Variants in MATR3 observed in about 807,000 individuals in gnomAD.
The protein encoded by MATR3 is matrin-3.
Under a neutral mutation model 85.5 loss-of-function variants are expected in MATR3, and 4 were observed. The observed-to-expected ratio is 0.05, with a 90% CI of 0.02 to 0.11. The LOEUF (loss-of-function observed/expected upper bound fraction) is 0.11. Among genes scored for constraint, MATR3 ranks in the 10% least tolerant of loss-of-function variants. The pLI, the probability that MATR3 is intolerant of heterozygous loss-of-function variation, is 1.00. For missense variants in MATR3, 685 were observed against 1,016.1 expected, an observed-to-expected ratio of 0.67 and a Z score of 4.43; for synonymous variants, 336 against 343.1, an observed-to-expected ratio of 0.98 and a Z score of 0.23.
chr5:139,316,448 G>A (rs1186107367), intron 5 of MATR3, among the ~76,000 whole-genome samples: 1 of 151,990 alleles, frequency 6.6e-6, no homozygotes, highest in Non-Finnish European at 1.5e-5. Context: ...GTTTCACCGC[G>A]TTGGCCAGAC....
At position 139,325,192 on chromosome 5, in the gene MATR3, C is replaced by G. The variant is rs1460156637; in HGVS notation, c.2149-248C>G. The G allele has an allele frequency of 7.9e-6, 6 of 761,382 alleles. No individual in the cohort carries two copies. The African/African-American group carries it at 1.2e-4, about 15-fold the overall frequency. The allele number at this position is 761,382 out of a possible 1,614,324, so 47.2% of individuals were successfully genotyped here. On this transcript the variant is annotated intron_variant, in intron 12 of 14. Transcript: ENST00000394805. ...TGGTCGACAGAGCAAGACTCCGTCT[C>G]AAAAAAAAAAAGGCAAAGACGCTAT...
upstream of MATR3, among the ~76,000 whole-genome samples, chr5:139,289,455 A>AT (rs1753805814): frequency 6.6e-6 from 1 of 152,236 alleles, no homozygotes; most frequent in Non-Finnish European, 1.5e-5. Context: ...TATAAATATG[A>AT]TAAAAAATAC....
intron 12 of MATR3, 54 bp from the exon 13 acceptor site, chr5:139,325,386 G>A (rs745840876): frequency 3.7e-5 from 59 of 1,612,988 alleles, no homozygotes; most frequent in Non-Finnish European, 4.9e-5. Context: ...TCGTAAATCG[G>A]GCATGGCATT....
chr5:139,285,206 TCTTA>T (rs1330471068), intron 3 of MATR3: 1 of 152,212 alleles, frequency 6.6e-6, no homozygotes, highest in Non-Finnish European at 1.5e-5. Context: ...TACTCAAATG[TCTTA>T]CTTACAGATT....
Position 139,329,981 on chromosome 5 carries a change from G to T in MATR3, c.*586G>T, listed in dbSNP as rs1376244149. On this transcript the variant is annotated 3_prime_UTR_variant, in exon 15 of 15. Coordinates refer to ENST00000394805, the MANE Select transcript of MATR3 (RefSeq NM_018834.6). The stretch of plus-strand genomic sequence containing the variant: ...AAGAAATATTAAGTAATTGGCTTTA[G>T]ATTTTGTAATTTTTTTCCCTGAGTT... 1 of 453,030 alleles carries T rather than the reference G, an allele frequency of 2.2e-6. No individual in the cohort carries two copies. The highest frequency in any genetic ancestry group is 4.4e-6 in the Non-Finnish European group (1 of 225,962). The allele number at this position is 453,030 out of a possible 1,614,324, so 28.1% of individuals were successfully genotyped here. A position where few individuals can be genotyped will look rare whatever the true frequency, so the allele number is the denominator to read the frequency against.
chr5:139,300,152 C>T (rs1754365407), intron 1 of MATR3, among the ~76,000 whole-genome samples: 2 of 152,154 alleles, frequency 1.3e-5, no homozygotes, highest in South Asian at 2.1e-4. Context: ...ATCACAAGGT[C>T]AGGAGTTCGA....
At chr5:139,315,998 G>A (rs764943614) in intron 4 of MATR3, 78 bp from the exon 5 acceptor site, 1 of 1,085,690 alleles carries the variant, frequency 9.2e-7, no homozygotes, top group Non-Finnish European at 1.4e-6. Flanking sequence ...ATATATTGGG[G>A]TGCTTTAACA....
intron 1 of MATR3, chr5:139,294,466 G>T (rs1754033725): frequency 6.4e-6 from 1 of 155,614 alleles, no homozygotes; most frequent in South Asian, 2.1e-4. Flanking sequence ...TAAGACTCCC[G>T]GCCCACACGC....
intron 9 of MATR3, among the ~76,000 whole-genome samples, chr5:139,321,359 G>A (rs1010694738): frequency 1.2e-4 from 18 of 151,884 alleles, no homozygotes; most frequent in Non-Finnish European, 2.1e-4. Context: ...CACCATACTG[G>A]TCAGGCTGTT....
intron 3 of MATR3, among the ~76,000 whole-genome samples, chr5:139,288,359 T>C (rs2151898521): frequency 6.6e-6 from 1 of 152,364 alleles, no homozygotes; most frequent in South Asian, 2.1e-4. Context: ...TTGAAAAAGT[T>C]TGACTTTCTC....
chr5:139,286,999 GC>G (rs1753728046), intron 3 of MATR3, among the ~76,000 whole-genome samples: 1 of 152,142 alleles, frequency 6.6e-6, no homozygotes, highest in Non-Finnish European at 1.5e-5. Context: ...ACTGGCAAGT[GC>G]CTAGTATACA....
chr5:139,275,556 A>G (rs1753245002), intron 1 of MATR3, among the ~76,000 whole-genome samples: 1 of 152,104 alleles, frequency 6.6e-6, no homozygotes, highest in Non-Finnish European at 1.5e-5. Context: ...GTGTTTACTG[A>G]GTGCCCACAC....
At chr5:139,314,870 T>A (rs1755163792) in intron 3 of MATR3, 134 bp downstream of exon 3, 3 of 742,086 alleles carry the variant, frequency 4.0e-6, no homozygotes, top group Non-Finnish European at 7.0e-6. Context: ...TGGACAATAC[T>A]ATTTACAAGT....
Position 139,319,386 on chromosome 5 carries a change from G to C in MATR3, c.1487G>C (p.Arg496Pro). Reference protein sequence around the residue: ...QKFDQKQELGRVIHLSNLPHS... With the variant: ...QKFDQKQELGPVIHLSNLPHS... ...TTTGATCAAAAGCAAGAGCTTGGAC[G>C]TGTGATACATCTCAGCAATTTGCCG... is the stretch of plus-strand genomic sequence containing the variant. The change falls in exon 9 of 15, where the codon CGT becomes CCT. Residue 496 changes from arginine to proline, a missense_variant. Arg to Pro is a moderately radical substitution (Grantham distance 103). Coordinates refer to ENST00000394805, the MANE Select transcript of MATR3 (RefSeq NM_018834.6). 1 of 1,614,158 alleles carries C rather than the reference G, an allele frequency of 6.2e-7. No individual in the cohort carries two copies. The highest frequency in any genetic ancestry group is 8.5e-7 in the Non-Finnish European group (1 of 1,180,024).
At chr5:139,320,430 A>C (rs1039054008) in intron 9 of MATR3, among the ~76,000 whole-genome samples, 1 of 152,286 alleles carries the variant, frequency 6.6e-6, no homozygotes, top group East Asian at 1.9e-4. Flanking sequence ...TATTGAGGCC[A>C]CATCTGTACA....
At chr5:139,287,268 A>G (rs190619623) in intron 3 of MATR3, among the ~76,000 whole-genome samples, 4 of 152,270 alleles carry the variant, frequency 2.6e-5, no homozygotes, top group African/African-American at 9.6e-5. Flanking sequence ...CCTCTACTCA[A>G]AATTGGAAAA....
rs553687055 is a variant in MATR3 at position 139,315,732 on chromosome 5, A to T, written c.1010A>T (p.His337Leu). The change falls in exon 4 of 15, where the codon CAC becomes CTC. Residue 337 changes from histidine to leucine, a missense_variant. By Grantham distance (99) the His-to-Leu change is moderately conservative. Coordinates refer to ENST00000394805, the MANE Select transcript of MATR3 (RefSeq NM_018834.6). ...PEWNPDNDTGHTMGDPFMLQQ... is the reference protein window; with the variant it reads ...PEWNPDNDTGLTMGDPFMLQQ... The stretch of plus-strand genomic sequence containing the variant: ...TGGAATCCTGACAATGATACAGGAC[A>T]CACAATGTAAGTTAAATTTTTTAAG... 1 of 1,610,514 alleles carries T rather than the reference A, an allele frequency of 6.2e-7. No homozygotes were observed.
upstream of MATR3, chr5:139,293,572 G>A (rs1237549052): frequency 5.9e-6 from 1 of 170,054 alleles, no homozygotes; most frequent in Non-Finnish European, 1.2e-5. Context: ...AACAACGACC[G>A]CAGGCGAGTG....
rs964072953 is a variant in MATR3, at chr5:139,315,581, C to A, written c.975-116C>A. The A allele has an allele frequency of 1.7e-5, 12 of 723,536 alleles. No homozygotes were observed. In the African/African-American group the frequency reaches 2.1e-4, roughly 13 times the overall value. 44.8% of individuals were successfully genotyped at this position (723,536 alleles called of 1,614,324 possible). ...AAATGCTTTAAAACTATGTTTCTAA[C>A]ACTTAGACTCTCAGATAACTTTACT... On this transcript the variant is annotated intron_variant, in intron 3 of 14. Coordinates refer to ENST00000394805, the MANE Select transcript of MATR3 (RefSeq NM_018834.6).
Sources: gnomAD v4.1 joint callset for allele counts (sites outside exome capture counted in the v4.1 genomes callset) on GRCh38, gnomAD v4.1.1 for gene constraint, MANE v1.5 for transcripts, NCBI Gene and HGNC (gene_info 2026-07-23, HGNC 2026-07-21) for gene names.